Variants in CNOT11 observed in about 807,000 individuals in gnomAD.
CNOT11 encodes the protein UPF0760 protein C2orf29.
A neutral mutation model predicts 44.6 loss-of-function variants in CNOT11; 18 were observed. The ratio of observed to expected loss-of-function variants is 0.40; its 90% confidence interval spans 0.28 to 0.60. The LOEUF (loss-of-function observed/expected upper bound fraction) is 0.60, where lower values mean the gene tolerates loss of function less well. Among genes scored for constraint, CNOT11 ranks in the 20% least tolerant of loss-of-function variants. The pLI, the probability that CNOT11 is intolerant of heterozygous loss-of-function variation, is 0.38. For missense variants in CNOT11, 513 were observed against 677.0 expected (o/e 0.76, Z 2.69); for synonymous variants, 291 against 270.9 (o/e 1.07, Z -0.73).
chr2:101,257,537 C>T (rs1221712218), intron 1 of CNOT11, among the ~76,000 whole-genome samples: 6 of 152,006 alleles, frequency 3.9e-5, no homozygotes. Context: ...TGTTTCTTTC[C>T]TCTTTCTTTA....
intron 4 of CNOT11, among the ~76,000 whole-genome samples, chr2:101,265,867 ATTGG>A (rs544089739): frequency 2.4e-4 from 36 of 152,274 alleles, no homozygotes; most frequent in Middle Eastern, 6.8e-3. Flanking sequence ...CCACTCTTCT[ATTGG>A]TTGGTGAATT....
chr2:101,253,549 A>C lies in CNOT11; in HGVS notation c.514+71A>C, dbSNP rs1332014597. 3 of 1,279,838 alleles carry C rather than the reference A, an allele frequency of 2.3e-6. No individual in the cohort carries two copies. The allele number at this position is 1,279,838 out of a possible 1,614,324, so 79.3% of individuals were successfully genotyped here. A position where few individuals can be genotyped will look rare whatever the true frequency, so the allele number is the denominator to read the frequency against. On this transcript the variant is annotated intron_variant, in intron 1 of 6. Transcript: ENST00000289382. The surrounding 1 kb of genome is among the most constrained non-coding windows in gnomAD (Gnocchi z 4.3). Reference sequence around the variant, plus strand: ...GCAGCTTTCCACCTGCGCTGCTGGGAACTCACCTGAAAGGGAAATTAACTA... The same window carrying C: ...GCAGCTTTCCACCTGCGCTGCTGGGCACTCACCTGAAAGGGAAATTAACTA...
At chr2:101,255,505 A>G (rs1359352480) in intron 1 of CNOT11, among the ~76,000 whole-genome samples, 1 of 152,200 alleles carries the variant, frequency 6.6e-6, no homozygotes, top group African/African-American at 2.4e-5. Flanking sequence ...AAAAAAAAAA[A>G]AAGTACCTGT....
rs1487573671 is a variant in CNOT11, at chr2:101,252,969, C to T, written c.5C>T (p.Pro2Leu). Residue 2 changes from proline (P) to leucine (L), a missense_variant, in exon 1 of 7, where the codon CCC becomes CTC. Coordinates refer to ENST00000289382, the MANE Select transcript of CNOT11 (RefSeq NM_017546.5). MPGGGASAASGR... is the reference protein window; with the variant it reads MLGGGASAASGR... Reference sequence around the variant, plus strand: ...AGGGGAAGGGGAGCGAGGTTGATGCCCGGCGGAGGGGCGAGCGCGGCGTCT... The same window carrying T: ...AGGGGAAGGGGAGCGAGGTTGATGCTCGGCGGAGGGGCGAGCGCGGCGTCT... 4.7e-6 allele frequency: 7 copies of T among 1,475,068 alleles called. No individual in the cohort carries two copies. In the Admixed American group the frequency reaches 9.7e-5, roughly 20 times the overall value. The allele number at this position is 1,475,068 out of a possible 1,614,324, so 91.4% of individuals were successfully genotyped here. A position where few individuals can be genotyped will look rare whatever the true frequency, so the allele number is the denominator to read the frequency against.
chr2:101,257,131 G>A (rs1481314738), intron 1 of CNOT11, among the ~76,000 whole-genome samples: 1 of 152,064 alleles, frequency 6.6e-6, no homozygotes, highest in Non-Finnish European at 1.5e-5. Context: ...GGTGACTCAT[G>A]CCTGTAATCC....
At chr2:101,261,150 T>A (rs1026476403) in intron 2 of CNOT11, among the ~76,000 whole-genome samples, 2 of 152,214 alleles carry the variant, frequency 1.3e-5, no homozygotes, top group African/African-American at 4.8e-5. Flanking sequence ...CAACCTGCCA[T>A]CCAAGTTAAG....
intron 5 of CNOT11, 56 bp from the exon 6 acceptor site, chr2:101,268,982 AGT>A: frequency 9.2e-7 from 1 of 1,089,550 alleles, no homozygotes; most frequent in South Asian, 1.4e-5. Flanking sequence ...TATGGTTAAC[AGT>A]GTTTCTCAAT....
chr2:101,254,288 A>G (rs546146226), intron 1 of CNOT11, among the ~76,000 whole-genome samples: 1 of 152,308 alleles, frequency 6.6e-6, no homozygotes, highest in African/African-American at 2.4e-5. Context: ...AAACAGCTTG[A>G]TCTTACATTC....
intron 3 of CNOT11, among the ~76,000 whole-genome samples, chr2:101,263,158 C>T (rs1312671444): frequency 1.3e-5 from 2 of 151,846 alleles, no homozygotes; most frequent in African/African-American, 4.8e-5. Context: ...GTTGCAGGAG[C>T]CGAGATCGAA....
Position 101,266,004 on chromosome 2 carries a change from G to A in CNOT11, c.1036-673G>A, listed in dbSNP as rs533173379. On this transcript the variant is annotated intron_variant, in intron 4 of 6. Coordinates refer to ENST00000289382, the MANE Select transcript of CNOT11 (RefSeq NM_017546.5). ...GCAACGTTTGTAGTTCGCTTTGCTC[G>A]CAAGACCATCCTGAAAACACAGTCC... 2.5e-4 allele frequency among the ~76,000 whole-genome samples: 38 copies of A among 152,230 alleles called. No homozygotes were observed. The South Asian group carries it at 7.3e-3, about 29-fold the overall frequency.
intron 5 of CNOT11, among the ~76,000 whole-genome samples, chr2:101,267,367 C>A (rs2104370378): frequency 1.3e-5 from 2 of 152,290 alleles, no homozygotes; most frequent in Middle Eastern, 3.4e-3. Context: ...AAGTGATCTG[C>A]CCACCTCAGC....
intron 2 of CNOT11, among the ~76,000 whole-genome samples, chr2:101,260,177 GAAATA>G (rs1448557562): frequency 6.6e-6 from 1 of 152,064 alleles, no homozygotes; most frequent in East Asian, 1.9e-4. Context: ...TAATTTAATA[GAAATA>G]AAATGATTAC....
At chr2:101,255,349 G>A (rs922723599) in intron 1 of CNOT11, among the ~76,000 whole-genome samples, 1 of 152,168 alleles carries the variant, frequency 6.6e-6, no homozygotes, top group Non-Finnish European at 1.5e-5. Context: ...CAAAAAATTA[G>A]CCGGGCGCGG....
Position 101,269,729 on chromosome 2 carries a change from T to C in CNOT11, c.*316T>C, listed in dbSNP as rs1369734116. The C allele has an allele frequency of 2.4e-5, 5 of 210,684 alleles. No individual in the cohort carries two copies. Among genetic ancestry groups the C allele is most frequent in the Non-Finnish European group, 4.7e-5 (5 of 106,138 alleles). 13.1% of individuals were successfully genotyped at this position (210,684 alleles called of 1,614,324 possible). On this transcript the variant is annotated 3_prime_UTR_variant, in exon 7 of 7. Transcript: ENST00000289382. This position sits in a 1 kb window ranked among gnomAD's most constrained non-coding sequence, Gnocchi z 4.8. ...CTAAAGAACAAAATGCATTTTTCATTAATACAGGCTTCTGATGAACCAGGA... is the reference window on the plus strand; with the variant it reads ...CTAAAGAACAAAATGCATTTTTCATCAATACAGGCTTCTGATGAACCAGGA...
At chr2:101,254,533 C>T (rs1338974715) in intron 1 of CNOT11, among the ~76,000 whole-genome samples, 1 of 152,100 alleles carries the variant, frequency 6.6e-6, no homozygotes. Flanking sequence ...TAACCTGCTT[C>T]TAAGAAGCTT....
In CNOT11 at chr2:101,253,580, G is replaced by T; in HGVS notation, c.514+102G>T. 2 of 1,059,520 alleles carry T rather than the reference G, an allele frequency of 1.9e-6. No individual in the cohort carries two copies. Among genetic ancestry groups the T allele is most frequent in the East Asian group, 3.1e-5 (1 of 32,068 alleles). 65.6% of individuals were successfully genotyped at this position (1,059,520 alleles called of 1,614,324 possible). ...CCTGAAAGGGAAATTAACTATCCCT[G>T]TGAAATGATCATCCTCTTTTTCCGC... On this transcript the variant is annotated intron_variant, in intron 1 of 6. Coordinates refer to ENST00000289382, the MANE Select transcript of CNOT11 (RefSeq NM_017546.5). The surrounding 1 kb of genome is among the most constrained non-coding windows in gnomAD (Gnocchi z 4.3).
rs1490263250 is a variant in CNOT11, at chr2:101,255,573, A to G, written c.514+2095A>G. On this transcript the variant is annotated intron_variant, in intron 1 of 6. Transcript: ENST00000289382. ...TAGGTAGGGATGGTGTGTAGATAACATAGAAGAGAAAATATCAGTGCCTAC... is the reference window on the plus strand; with the variant it reads ...TAGGTAGGGATGGTGTGTAGATAACGTAGAAGAGAAAATATCAGTGCCTAC... Among the ~76,000 whole-genome samples, 15 of 151,924 alleles carry G rather than the reference A, an allele frequency of 9.9e-5. 1 individual carries two copies. Among genetic ancestry groups the G allele is most frequent in the Admixed American group, 9.8e-4 (15 of 15,246 alleles).
At chr2:101,264,656 G>A (rs1573202450) in intron 3 of CNOT11, among the ~76,000 whole-genome samples, 189 bp from the exon 4 acceptor site, 1 of 152,310 alleles carries the variant, frequency 6.6e-6, no homozygotes, top group Middle Eastern at 3.4e-3. Context: ...TTCTTTCATT[G>A]TCTTGTTTGC....
intron 4 of CNOT11, among the ~76,000 whole-genome samples, chr2:101,265,463 AC>A (rs1444596796): frequency 1.3e-5 from 2 of 152,156 alleles, no homozygotes; most frequent in Non-Finnish European, 2.9e-5. Flanking sequence ...TAAGCAATAA[AC>A]TAATCCTGTC....
Sources: gnomAD v4.1 joint callset for allele counts (sites outside exome capture counted in the v4.1 genomes callset) on GRCh38, gnomAD v4.1.1 for gene constraint, Gnocchi (gnomAD v3.1) non-coding constraint, MANE v1.5 for transcripts, NCBI Gene and HGNC (gene_info 2026-07-23, HGNC 2026-07-21) for gene names.